DIP2A: variants seen among roughly 807,000 people sequenced by gnomAD.
The protein encoded by DIP2A is DIP2 acetate--CoA ligase A.
Under a neutral mutation model 177.4 loss-of-function variants are expected in DIP2A, and 85 were observed. That is an observed-to-expected ratio of 0.48 (90% CI 0.40 to 0.57). DIP2A has a LOEUF of 0.57. DIP2A is among the 20% of genes least tolerant of loss of function. The pLI is 0.00. For missense variants in DIP2A, 1,791 were observed against 2,100.2 expected (o/e 0.85, Z 2.88); for synonymous variants, 886 against 881.8 (o/e 1.00, Z -0.08).
At position 46,556,997 on chromosome 21, in the gene DIP2A, A is replaced by T. The variant is rs1179044777; in HGVS notation, c.3557A>T (p.Tyr1186Phe). 1 of 1,601,090 alleles carries T rather than the reference A, an allele frequency of 6.2e-7. No individual in the cohort carries two copies. The highest frequency in any genetic ancestry group is 1.7e-5 in the Admixed American group (1 of 57,966). ...CRSIKLQCEL[Y>F]PSRQIAICLD... The stretch of plus-strand genomic sequence containing the variant: ...TCCATAAAGCTGCAGTGTGAGCTGT[A>T]CCCCTCGCGGCAGATCGCCATCTGC... Residue 1186 changes from tyrosine to phenylalanine, a missense_variant, in exon 30 of 38, where the codon TAC becomes TTC. Tyr to Phe is a conservative substitution (Grantham distance 22, BLOSUM62 3). Transcript: ENST00000417564. The surrounding 1 kb of genome is among the most constrained non-coding windows in gnomAD (Gnocchi z 4.5).
chr21:46,496,536 T>C (rs2057370768), intron 3 of DIP2A, among the ~76,000 whole-genome samples: 1 of 152,116 alleles, frequency 6.6e-6, no homozygotes, highest in South Asian at 2.1e-4. Flanking sequence ...GGGCCACACA[T>C]AAAATACACT....
chr21:46,521,784 T>G (rs1284584227), intron 8 of DIP2A, among the ~76,000 whole-genome samples: 2 of 152,242 alleles, frequency 1.3e-5, no homozygotes, highest in Non-Finnish European at 2.9e-5. Context: ...CAATTTCTTT[T>G]ACAAGATTAA....
At chr21:46,573,526 G>A (rs1344365985), downstream of DIP2A, among the ~76,000 whole-genome samples, 1 of 151,228 alleles carries the variant, frequency 6.6e-6, no homozygotes, top group Non-Finnish European at 1.5e-5. Context: ...GCTGGGCATT[G>A]TGGCTTTCTC....
At chr21:46,528,229 AAATTTAACATATTAAATTAGG>A (rs2059188115) in intron 8 of DIP2A, among the ~76,000 whole-genome samples, 1 of 152,136 alleles carries the variant, frequency 6.6e-6, no homozygotes. Context: ...TTAACATCTT[AAATTTAACATATTAAATTAGG>A]AATTTAACAT....
chr21:46,498,595 C>CTCAGAAGATGAGGGCTCTTT lies in DIP2A; in HGVS notation c.418_437dup (p.Leu146PhefsTer80). 5 of 1,608,718 alleles carry CTCAGAAGATGAGGGCTCTTT rather than the reference C, an allele frequency of 3.1e-6. No individual in the cohort carries two copies. The highest frequency in any genetic ancestry group is 4.3e-6 in the Non-Finnish European group (5 of 1,176,326). On this transcript the variant is annotated frameshift_variant, in exon 5 of 38. Transcript: ENST00000417564. LOFTEE classifies it high-confidence loss of function. The surrounding 1 kb of genome is among the most constrained non-coding windows in gnomAD (Gnocchi z 4.3). ...TTTTAACCACAGACACGTCGTCTGCCTCAGAAGATGAGGGCTCTTTACGGC... is the reference window on the plus strand; with the variant it reads ...TTTTAACCACAGACACGTCGTCTGCCTCAGAAGATGAGGGCTCTTTTCAGAAGATGAGGGCTCTTTACGGC...
rs1808519689 is a variant in DIP2A at position 46,539,796 on chromosome 21, CT to C, written c.1922-80del. The C allele has an allele frequency of 8.3e-6, 10 of 1,208,610 alleles. No individual in the cohort carries two copies. In the African/African-American group the frequency reaches 1.3e-4, roughly 16 times the overall value. The allele number at this position is 1,208,610 out of a possible 1,614,324, so 74.9% of individuals were successfully genotyped here. ...GTGGTTCCGATGGCCGCAGGCTGCG[CT>C]AACTTGAGCATGTCCAGCCACCCCT... On this transcript the variant is annotated intron_variant, in intron 16 of 37. Transcript: ENST00000417564.
intron 19 of DIP2A, 77 bp downstream of exon 19, chr21:46,545,350 T>A (rs1353124816): frequency 6.6e-7 from 1 of 1,509,418 alleles, no homozygotes; most frequent in Non-Finnish European, 9.0e-7. Flanking sequence ...TGCTGGGTGC[T>A]GGGGGATTGC....
At chr21:46,522,904 CTTTTA>C (rs2058887791) in intron 8 of DIP2A, among the ~76,000 whole-genome samples, 1 of 151,898 alleles carries the variant, frequency 6.6e-6, no homozygotes, top group African/African-American at 2.4e-5. Flanking sequence ...CCATAGTGCT[CTTTTA>C]TTTTTTTAAT....
At chr21:46,544,692 G>A (rs902071995) in intron 18 of DIP2A, among the ~76,000 whole-genome samples, 4 of 152,198 alleles carry the variant, frequency 2.6e-5, no homozygotes, top group African/African-American at 9.7e-5. Flanking sequence ...TTAAAATAAG[G>A]TTACTAGAAA....
At position 46,557,680 on chromosome 21, in the gene DIP2A, G is replaced by A. The variant is rs940141568; in HGVS notation, c.3725G>A (p.Arg1242His). ...TCGGCCGTCAGCCAGTACAAGGCCC[G>A]CGTCACCTTCTGCTCCTACTCTGTG... Reference protein sequence around the residue: ...WLSAVSQYKARVTFCSYSVME... With the variant: ...WLSAVSQYKAHVTFCSYSVME... The change falls in exon 31 of 38, where the codon CGC (arginine) becomes CAC (histidine). Residue 1242 changes from arginine to histidine, a missense_variant. By Grantham distance (29) the Arg-to-His change is conservative. Coordinates refer to ENST00000417564, the MANE Select transcript of DIP2A (RefSeq NM_015151.4). This position sits in a 1 kb window ranked among gnomAD's most constrained non-coding sequence, Gnocchi z 6.0. The A allele has an allele frequency of 3.1e-6, 5 of 1,613,456 alleles. No individual in the cohort carries two copies. The highest frequency in any genetic ancestry group is 2.7e-5 in the African/African-American group (2 of 74,930).
chr21:46,544,400 A>G (rs1194882669), intron 18 of DIP2A, among the ~76,000 whole-genome samples: 3 of 152,164 alleles, frequency 2.0e-5, no homozygotes, highest in Non-Finnish European at 4.4e-5. Context: ...GAACTTACAG[A>G]TAGAATCCTG....
At chr21:46,565,912 C>T (rs755004617) in intron 36 of DIP2A, 25 bp downstream of exon 36, 11 of 1,612,390 alleles carry the variant, frequency 6.8e-6, no homozygotes, top group East Asian at 4.5e-5. Context: ...TGAAGCCCTG[C>T]GTGAGTGCTG....
In DIP2A at chr21:46,558,399, G is replaced by A. The variant is rs542603337; in HGVS notation, c.3969+6G>A. ...ACGTGGCCATCTGCCTCCAGGTGAG[G>A]TGCCTGGGGCTGCGGTTCTCGAAAG... On this transcript the variant is annotated splice_donor_region_variant and intron_variant, in intron 32 of 37. Coordinates refer to ENST00000417564, the MANE Select transcript of DIP2A (RefSeq NM_015151.4). The A allele has an allele frequency of 2.1e-6, 3 of 1,429,020 alleles. No individual in the cohort carries two copies. Among genetic ancestry groups the A allele is most frequent in the Non-Finnish European group, 2.7e-6 (3 of 1,097,566 alleles). The allele number at this position is 1,429,020 out of a possible 1,614,324, so 88.5% of individuals were successfully genotyped here.
In DIP2A at chr21:46,569,318, T is replaced by C. The variant is rs1258571930; in HGVS notation, c.*1696T>C. On this transcript the variant is annotated 3_prime_UTR_variant, in exon 38 of 38. Coordinates refer to ENST00000417564, the MANE Select transcript of DIP2A (RefSeq NM_015151.4). Reference sequence around the variant, plus strand: ...AATAGCACTGTGCATAGTAGCCCTGTTTCCCCATGGTGTTGGACTGTGGTA... The same window carrying C: ...AATAGCACTGTGCATAGTAGCCCTGCTTCCCCATGGTGTTGGACTGTGGTA... 1 of 152,156 alleles carries C rather than the reference T, an allele frequency of 6.6e-6. No individual in the cohort carries two copies. The allele number at this position is 152,156 out of a possible 1,614,324, so 9.4% of individuals were successfully genotyped here. A position where few individuals can be genotyped will look rare whatever the true frequency, so the allele number is the denominator to read the frequency against.
Position 46,504,480 on chromosome 21 carries a change from A to G in DIP2A, c.775A>G (p.Thr259Ala). The change falls in exon 6 of 38, where the codon ACA (threonine) becomes GCA (alanine). Residue 259 changes from threonine (T) to alanine (A), a missense_variant. Physicochemically the swap from Thr to Ala is moderately conservative, Grantham distance 58. Coordinates refer to ENST00000417564, the MANE Select transcript of DIP2A (RefSeq NM_015151.4). ...GGGGTGCAGCGGGAGCATGCTGGAA[A>G]CAGCAGATGGTGAGCCTGCCTCTCT... is the stretch of plus-strand genomic sequence containing the variant. ...PRGCSGSMLE[T>A]ADGVPVNSRV... 1 of 1,608,540 alleles carries G rather than the reference A, an allele frequency of 6.2e-7. No homozygotes were observed.
chr21:46,502,906 A>G (rs79122847), intron 5 of DIP2A, among the ~76,000 whole-genome samples: 7,091 of 152,288 alleles, frequency 0.047, 532 homozygotes, highest in African/African-American at 0.16. Flanking sequence ...TTCTGAACAG[A>G]TAGATGGACT....
In DIP2A at chr21:46,537,106, G is replaced by T; in HGVS notation, c.1643-118G>T. On this transcript the variant is annotated intron_variant, in intron 13 of 37. Coordinates refer to ENST00000417564, the MANE Select transcript of DIP2A (RefSeq NM_015151.4). The surrounding 1 kb of genome is among the most constrained non-coding windows in gnomAD (Gnocchi z 4.1). The stretch of plus-strand genomic sequence containing the variant: ...TTGGTATGTGGTATTTGGAAATGCT[G>T]TATCTGTTCCTGAAACTTACATGTT... The T allele has an allele frequency of 1.1e-6, 1 of 926,180 alleles. No homozygotes were observed. The highest frequency in any genetic ancestry group is 2.4e-5 in the East Asian group (1 of 41,572). The allele number at this position is 926,180 out of a possible 1,614,324, so 57.4% of individuals were successfully genotyped here.
chr21:46,545,771 C>T (rs930023115), intron 19 of DIP2A, 110 bp from the exon 20 acceptor site: 3 of 1,305,990 alleles, frequency 2.3e-6, no homozygotes, highest in Non-Finnish European at 3.2e-6. Context: ...CTTTTTCCCC[C>T]TGGCCAGCAG....
chr21:46,536,147 G>A (rs2050948802), intron 13 of DIP2A, among the ~76,000 whole-genome samples: 1 of 152,236 alleles, frequency 6.6e-6, no homozygotes, highest in Non-Finnish European at 1.5e-5. Flanking sequence ...GGTGTTTATA[G>A]TACTGTTATT....
Sources: allele counts gnomAD v4.1 joint callset (sites outside exome capture counted in the v4.1 genomes callset), GRCh38; gene constraint gnomAD v4.1.1; non-coding constraint Gnocchi (gnomAD v3.1); transcripts MANE v1.5; gene names NCBI Gene and HGNC (gene_info 2026-07-23, HGNC 2026-07-21).